The following ENTREP2 variants were observed in gnomAD, a reference collection of about 807,000 sequenced individuals.
ENTREP2 encodes the protein endosomal transmembrane epsin interactor 2, also known as protein ENTREP2.
the ENTREP2 span, among the ~76,000 whole-genome samples, chr15:29,542,009 A>ATTGGT: frequency 4.1e-4 from 62 of 151,902 alleles, no homozygotes; most frequent in African/African-American, 1.3e-3. Flanking sequence ...GGTAGGGTTT[A>ATTGGT]TTGGTTTGGT....
At chr15:29,519,972 C>T in the ENTREP2 span, among the ~76,000 whole-genome samples, 3 of 152,274 alleles carry the variant, frequency 2.0e-5, no homozygotes, top group East Asian at 3.9e-4. Context: ...TTGTGACCCC[C>T]GCCCCTGCCT....
chr15:29,571,185 T>C, the ENTREP2 span, among the ~76,000 whole-genome samples: 1 of 151,780 alleles, frequency 6.6e-6, no homozygotes, highest in South Asian at 2.1e-4. Context: ...CGTCCCAGCC[T>C]CCGCGCTCAC....
chr15:29,534,056 G>A, the ENTREP2 span, among the ~76,000 whole-genome samples: 2 of 122,916 alleles, frequency 1.6e-5, no homozygotes, highest in African/African-American at 6.2e-5. Context: ...AGTGTCATAT[G>A]TCCAACCTAA....
chr15:29,199,610 T>G, the ENTREP2 span, among the ~76,000 whole-genome samples: 1 of 152,206 alleles, frequency 6.6e-6, no homozygotes, highest in Non-Finnish European at 1.5e-5. Flanking sequence ...CAATTTTAAC[T>G]CAGCATAAAA....
chr15:29,156,783 C>A, the ENTREP2 span, among the ~76,000 whole-genome samples: 2 of 152,104 alleles, frequency 1.3e-5, no homozygotes, highest in African/African-American at 4.8e-5. Flanking sequence ...ACATGAGATG[C>A]CTGCGCGTGG....
At chr15:29,200,643 CT>C in the ENTREP2 span, among the ~76,000 whole-genome samples, 1 of 151,884 alleles carries the variant, frequency 6.6e-6, no homozygotes, top group African/African-American at 2.4e-5. Flanking sequence ...ACTGAAACTT[CT>C]GCCTTCTGGA....
At chr15:29,196,375 C>T in the ENTREP2 span, 1 of 1,529,976 alleles carries the variant, frequency 6.5e-7, no homozygotes. Flanking sequence ...GCTTCCTAAA[C>T]TGTCTGTAAG....
At chr15:29,318,832 G>A in the ENTREP2 span, among the ~76,000 whole-genome samples, 2 of 152,290 alleles carry the variant, frequency 1.3e-5, no homozygotes, top group Non-Finnish European at 2.9e-5. Context: ...TTGGCTTAGT[G>A]CAAAAGATGA....
At chr15:29,274,843 A>G in the ENTREP2 span, among the ~76,000 whole-genome samples, 1 of 152,214 alleles carries the variant, frequency 6.6e-6, no homozygotes. Flanking sequence ...ATGAAGACCG[A>G]AAGAGGTGGC....
chr15:29,128,809 C>G, the ENTREP2 span: 2 of 1,551,088 alleles, frequency 1.3e-6, no homozygotes, highest in Non-Finnish European at 1.7e-6. Context: ...GAAGCCAGCA[C>G]TGGTGTTTGG....
At chr15:29,204,177 C>A in the ENTREP2 span, among the ~76,000 whole-genome samples, 13 of 152,144 alleles carry the variant, frequency 8.5e-5, no homozygotes, top group African/African-American at 2.9e-4. Flanking sequence ...TCATTGGGAA[C>A]GACACCGCAG....
At chr15:29,128,480 G>A in the ENTREP2 span, among the ~76,000 whole-genome samples, 6 of 152,044 alleles carry the variant, frequency 3.9e-5, no homozygotes, top group African/African-American at 9.7e-5. Flanking sequence ...AGATGGAGTC[G>A]TGCTCTTCTT....
the ENTREP2 span, among the ~76,000 whole-genome samples, chr15:29,221,749 T>G: frequency 6.6e-6 from 1 of 152,260 alleles, no homozygotes; most frequent in East Asian, 1.9e-4. Context: ...AGCTCCACTT[T>G]GCTGACAGAA....
At chr15:29,651,322 T>C in the ENTREP2 span, among the ~76,000 whole-genome samples, 30 of 152,186 alleles carry the variant, frequency 2.0e-4, no homozygotes, top group Admixed American at 1.8e-3. Flanking sequence ...TCCTTCAACC[T>C]AGATATTAGG....
the ENTREP2 span, chr15:29,136,411 G>T: frequency 9.1e-6 from 14 of 1,537,154 alleles, no homozygotes; most frequent in Non-Finnish European, 1.1e-5. Flanking sequence ...ACGGAGGGGG[G>T]AGCTCAGCAG....
chr15:29,134,917 C>T, the ENTREP2 span, among the ~76,000 whole-genome samples: 46 of 152,228 alleles, frequency 3.0e-4, 1 homozygote, highest in Admixed American at 6.5e-4. Flanking sequence ...CAGCAGACAG[C>T]GAGCAGCTGG....
the ENTREP2 span, among the ~76,000 whole-genome samples, chr15:29,314,285 C>T: frequency 0.48 from 73,506 of 152,102 alleles, 19,400 homozygotes; most frequent in African/African-American, 0.72. Flanking sequence ...GTGGGTAAAA[C>T]GCTATCAAAC....
chr15:29,454,059 T>G, the ENTREP2 span, among the ~76,000 whole-genome samples: 10 of 152,192 alleles, frequency 6.6e-5, no homozygotes, highest in Non-Finnish European at 1.5e-4. Context: ...TTCCATCACT[T>G]GACATTTCCT....
the ENTREP2 span, among the ~76,000 whole-genome samples, chr15:29,608,371 GA>G: frequency 1.3e-5 from 2 of 151,894 alleles, no homozygotes; most frequent in African/African-American, 4.8e-5. Flanking sequence ...AATGCAGATG[GA>G]AACTGCTCCT....
Sources: gnomAD v4.1 joint callset for allele counts (sites outside exome capture counted in the v4.1 genomes callset) on GRCh38, gnomAD v4.1.1 for gene constraint, MANE v1.5 for transcripts, NCBI Gene and HGNC (gene_info 2026-07-23, HGNC 2026-07-21) for gene names.